FHIP1A: variants seen among roughly 807,000 people sequenced by gnomAD.
FHIP1A encodes FHF complex subunit HOOK interacting protein 1A, also known as FHF complex subunit HOOK-interacting protein 1A.
A neutral mutation model predicts 88.6 loss-of-function variants in FHIP1A; 61 were observed. The ratio of observed to expected loss-of-function variants is 0.69; its 90% CI spans 0.56 to 0.85. The LOEUF is 0.85. Among genes scored for constraint, FHIP1A ranks in the 40% least tolerant of loss-of-function variants. The pLI is 0.00. For synonymous variants in FHIP1A, 478 were observed against 496.0 expected (o/e 0.96, Z 0.48); for missense variants, 1,154 against 1,273.5 (o/e 0.91, Z 1.43).
intron 1 of FHIP1A, among the ~76,000 whole-genome samples, chr4:151,453,504 G>T (rs1195825224): frequency 6.6e-6 from 1 of 152,138 alleles, no homozygotes; most frequent in South Asian, 2.1e-4. Flanking sequence ...CAAGTTTATT[G>T]TATGCATTAA....
intron 2 of FHIP1A, among the ~76,000 whole-genome samples, chr4:151,480,008 T>C (rs558567398): frequency 6.6e-6 from 1 of 152,160 alleles, no homozygotes; most frequent in East Asian, 1.9e-4. Flanking sequence ...GAGATTTGAG[T>C]GTGACTGAAT....
At position 151,638,771 on chromosome 4, in the gene FHIP1A, T is replaced by C. The variant is rs1294903967; in HGVS notation, c.1226+15T>C. The C allele has an allele frequency of 6.1e-6, 9 of 1,483,988 alleles. No homozygotes were observed. The highest frequency in any genetic ancestry group is 8.2e-6 in the Non-Finnish European group (9 of 1,092,200). The allele number at this position is 1,483,988 out of a possible 1,614,324, so 91.9% of individuals were successfully genotyped here. On this transcript the variant is annotated intron_variant, in intron 9 of 13. Coordinates refer to ENST00000435205, the MANE Select transcript of FHIP1A (RefSeq NM_001109977.3). ...CTAGTTCTAAGGTGAGTTGCCTTTT[T>C]TGTTTCCTTTAAAGAAAAATTCACT...
intron 7 of FHIP1A, among the ~76,000 whole-genome samples, chr4:151,620,160 C>T (rs1735683600): frequency 6.6e-6 from 1 of 152,162 alleles, no homozygotes; most frequent in Non-Finnish European, 1.5e-5. Context: ...CTTTGCAGGG[C>T]CACTGCATAG....
At chr4:151,465,433 T>C (rs1729276540) in intron 2 of FHIP1A, among the ~76,000 whole-genome samples, 1 of 152,164 alleles carries the variant, frequency 6.6e-6, no homozygotes, top group Non-Finnish European at 1.5e-5. Flanking sequence ...AGCTGAATTC[T>C]TCCAGAGGTA....
chr4:151,568,530 T>C (rs1657384917), intron 4 of FHIP1A, among the ~76,000 whole-genome samples: 1 of 152,226 alleles, frequency 6.6e-6, no homozygotes, highest in African/African-American at 2.4e-5. Context: ...TCTATGTGAA[T>C]GTAAAAGTGT....
intron 1 of FHIP1A, 66 bp from the exon 2 acceptor site, chr4:151,454,635 G>A (rs534124072): frequency 2.6e-5 from 4 of 151,322 alleles, no homozygotes; most frequent in Admixed American, 2.6e-4. Context: ...AGAGATTATA[G>A]TAAAACACAA....
rs915351391 is a variant in FHIP1A, at chr4:151,650,564, C to T, written c.2523C>T (p.Pro841=). The change falls in exon 11 of 14, where the codon CCC becomes CCT. Residue 841 remains proline (P), a synonymous_variant. Transcript: ENST00000435205. ...AGGCTGCCTTTGCCAGTCGCCATCCCGTGAGGACTCAAAGCACCCCATTCA... is the reference window on the plus strand; with the variant it reads ...AGGCTGCCTTTGCCAGTCGCCATCCTGTGAGGACTCAAAGCACCCCATTCA... ...RDEAAFASRH[P]VRTQSTPFTG... 3.4e-5 allele frequency: 52 copies of T among 1,550,784 alleles called. No individual in the cohort carries two copies. The Admixed American group carries it at 3.9e-4, about 12-fold the overall frequency.
At chr4:151,434,825 G>C (rs1164169652) in intron 1 of FHIP1A, among the ~76,000 whole-genome samples, 1 of 152,090 alleles carries the variant, frequency 6.6e-6, no homozygotes, top group Admixed American at 6.6e-5. Flanking sequence ...TAGGTCACTG[G>C]TTAGGTAAAA....
intron 3 of FHIP1A, among the ~76,000 whole-genome samples, chr4:151,551,847 AC>A (rs1415107635): frequency 2.6e-5 from 4 of 152,322 alleles, no homozygotes; most frequent in African/African-American, 9.6e-5. Flanking sequence ...ATCTAATTAA[AC>A]TAAAGAGTGC....
At chr4:151,659,236 G>T (rs1168919585) in intron 13 of FHIP1A, among the ~76,000 whole-genome samples, 1 of 152,080 alleles carries the variant, frequency 6.6e-6, no homozygotes, top group Non-Finnish European at 1.5e-5. Flanking sequence ...AGTTTTTTTA[G>T]ATTAACTTTC....
At chr4:151,595,370 A>T (rs943841217) in intron 7 of FHIP1A, among the ~76,000 whole-genome samples, 6 of 152,118 alleles carry the variant, frequency 3.9e-5, no homozygotes, top group African/African-American at 1.4e-4. Context: ...TTCTAATTTG[A>T]TTGCACTGTG....
intron 4 of FHIP1A, among the ~76,000 whole-genome samples, chr4:151,577,167 G>T (rs1253899111): frequency 6.6e-6 from 1 of 152,038 alleles, no homozygotes; most frequent in African/African-American, 2.4e-5. Context: ...TCCAAAGAAT[G>T]CATGTAGCTT....
intron 7 of FHIP1A, among the ~76,000 whole-genome samples, chr4:151,600,808 A>G (rs1734841048): frequency 6.6e-6 from 1 of 152,156 alleles, no homozygotes; most frequent in Non-Finnish European, 1.5e-5. Context: ...GGATTCCTGT[A>G]CTGATTGAAC....
intron 3 of FHIP1A, among the ~76,000 whole-genome samples, chr4:151,549,656 C>T (rs1008131166): frequency 1.3e-5 from 2 of 152,122 alleles, no homozygotes; most frequent in Non-Finnish European, 2.9e-5. Flanking sequence ...CAGCCACCCT[C>T]AGGGCTGCTC....
At chr4:151,525,863 T>C (rs1391544079) in intron 3 of FHIP1A, among the ~76,000 whole-genome samples, 1 of 151,702 alleles carries the variant, frequency 6.6e-6, no homozygotes, top group East Asian at 1.9e-4. Context: ...GTTAAACAAG[T>C]GAACAAAGGT....
chr4:151,483,788 A>G (rs1483422120), intron 3 of FHIP1A, among the ~76,000 whole-genome samples: 1 of 152,144 alleles, frequency 6.6e-6, no homozygotes, highest in Admixed American at 6.5e-5. Context: ...CAAGTCTATC[A>G]TTTTAGAGAC....
intron 6 of FHIP1A, among the ~76,000 whole-genome samples, chr4:151,587,701 A>T (rs758312177): frequency 6.6e-6 from 1 of 152,058 alleles, no homozygotes; most frequent in African/African-American, 2.4e-5. Context: ...TGTTAGTTAT[A>T]ATCTGTTTAT....
At chr4:151,440,745 C>T (rs1414950359) in intron 1 of FHIP1A, among the ~76,000 whole-genome samples, 2 of 152,100 alleles carry the variant, frequency 1.3e-5, no homozygotes, top group African/African-American at 4.8e-5. Flanking sequence ...TTCAAGTTAC[C>T]AAAATTTATT....
At chr4:151,503,331 A>G (rs982220635) in intron 3 of FHIP1A, among the ~76,000 whole-genome samples, 1 of 152,210 alleles carries the variant, frequency 6.6e-6, no homozygotes, top group African/African-American at 2.4e-5. Context: ...TGGCGCCATC[A>G]TGGGCAGAAC....
Sources: allele counts gnomAD v4.1 joint callset (sites outside exome capture counted in the v4.1 genomes callset), GRCh38; gene constraint gnomAD v4.1.1; transcripts MANE v1.5; gene names NCBI Gene and HGNC (gene_info 2026-07-23, HGNC 2026-07-21).